MAST1: variants seen among roughly 807,000 people sequenced by gnomAD.
MAST1 encodes microtubule-associated serine/threonine-protein kinase 1.
In MAST1, 40 loss-of-function variants were observed where a neutral mutation model predicts 124.6. The observed-to-expected ratio is 0.32, with a 90% CI of 0.25 to 0.42. The LOEUF (loss-of-function observed/expected upper bound fraction) is 0.42, where lower values mean the gene tolerates loss of function less well. MAST1 is among the 10% of genes least tolerant of loss of function. The pLI is 1.00. For missense variants in MAST1, 1,558 were observed against 2,181.9 expected, an observed-to-expected ratio of 0.71 and a Z score of 5.70; for synonymous variants, 938 against 939.4, an observed-to-expected ratio of 1.00 and a Z score of 0.03.
At position 12,873,426 on chromosome 19, in the gene MAST1, T is replaced by C. The variant is rs148457369; in HGVS notation, c.3366T>C (p.Asp1122=). ...SSLNRSLSSS[D]SLPGSPTHGL... ...TGAACCGCTCGCTGTCATCCAGCGA[T>C]AGTCTCCCGGGCTCGCCTACGCACG... is the stretch of plus-strand genomic sequence containing the variant. Residue 1122 remains aspartate (D), a synonymous_variant, in exon 25 of 26, where the codon GAT becomes GAC. Transcript: ENST00000251472. 4,643 of 1,613,498 alleles carry C rather than the reference T, an allele frequency of 2.9e-3. 9 individuals carry two copies. Among genetic ancestry groups the C allele is most frequent in the Non-Finnish European group, 3.3e-3 (3,859 of 1,179,970 alleles).
rs1291702418 is a variant in MAST1 at position 12,865,305 on chromosome 19, C to A, written c.1639-11C>A. On this transcript the variant is annotated splice_polypyrimidine_tract_variant and intron_variant, in intron 14 of 25. Transcript: ENST00000251472. The surrounding 1 kb of genome is among the most constrained non-coding windows in gnomAD (Gnocchi z 7.1). ...CTCTGGCTGGGGCGTGGGCTGACAG[C>A]CTGCCCCCAGGTGTGTGGGACCCCA... 6.3e-7 allele frequency: 1 copy of A among 1,581,632 alleles called. No homozygotes were observed. Among genetic ancestry groups the A allele is most frequent in the South Asian group, 1.2e-5 (1 of 85,046 alleles).
Position 12,847,994 on chromosome 19 carries a change from C to G in MAST1, c.711C>G (p.Asp237Glu), listed in dbSNP as rs761809281. 5.6e-6 allele frequency: 9 copies of G among 1,614,190 alleles called. No homozygotes were observed. Among genetic ancestry groups the G allele is most frequent in the Non-Finnish European group, 7.6e-6 (9 of 1,180,014 alleles). Residue 237 changes from aspartate to glutamate, a missense_variant, in exon 7 of 26, where the codon GAC (aspartate) becomes GAG (glutamate). By Grantham distance (45) the Asp-to-Glu change is conservative. This residue lies in a region of MAST1 where 165 missense variants were observed against 315.3 expected (regional missense o/e 0.52). Coordinates refer to ENST00000251472, the MANE Select transcript of MAST1 (RefSeq NM_014975.3). The surrounding 1 kb of genome is among the most constrained non-coding windows in gnomAD (Gnocchi z 5.5). ...GGGACTGCCTGACCAAGTCCCGTGA[C>G]GGCCTCATCACCACGGTCTACTTCT... Reference protein sequence around the residue: ...LARDCLTKSRDGLITTVYFYE... With the variant: ...LARDCLTKSREGLITTVYFYE...
intron 7 of MAST1, chr19:12,848,679 C>T (rs371848605): frequency 2.0e-5 from 3 of 152,184 alleles, no homozygotes; most frequent in South Asian, 2.1e-4. Context: ...TAAACTTAGC[C>T]GGGTGCGGTG....
chr19:12,852,043 G>A lies in MAST1; in HGVS notation c.876+8G>A, dbSNP rs555662066. On this transcript the variant is annotated splice_region_variant and intron_variant, in intron 8 of 25. Transcript: ENST00000251472. ...AGGCTGCTGGAGTGCCTGGTGAGGG[G>A]GCTGGGCATGGGTAGGGGTGGGTTG... 4.0e-5 allele frequency: 65 copies of A among 1,614,028 alleles called. No homozygotes were observed. The South Asian group carries it at 7.0e-4, about 17-fold the overall frequency.
chr19:12,862,446 C>T (rs141106485), intron 12 of MAST1, among the ~76,000 whole-genome samples: 12 of 152,288 alleles, frequency 7.9e-5, no homozygotes, highest in African/African-American at 2.9e-4. Context: ...GCAGGCACCA[C>T]CATGTCCAGC....
chr19:12,868,370 A>T (rs560964666), intron 20 of MAST1, among the ~76,000 whole-genome samples: 1 of 152,018 alleles, frequency 6.6e-6, no homozygotes, highest in Admixed American at 6.6e-5. Context: ...TGGCCTACCA[A>T]AGTGCTGGGG....
intron 10 of MAST1, among the ~76,000 whole-genome samples, chr19:12,852,849 AAAAATAAAAT>A (rs561793669): frequency 6.6e-6 from 1 of 151,542 alleles, no homozygotes; most frequent in Middle Eastern, 3.2e-3. Flanking sequence ...AACTGTCTCA[AAAAATAAAAT>A]AAAATAAAAT....
At chr19:12,860,741 G>T (rs997623380) in intron 12 of MAST1, among the ~76,000 whole-genome samples, 1 of 151,846 alleles carries the variant, frequency 6.6e-6, no homozygotes, top group African/African-American at 2.4e-5. Context: ...GCCATAGCTT[G>T]CGGCCCATAT....
chr19:12,840,404 G>A, intron 1 of MAST1, 42 bp from the exon 2 acceptor site: 1 of 1,323,984 alleles, frequency 7.6e-7, no homozygotes. Flanking sequence ...AACTCACTGG[G>A]CTGCGGCCCG....
rs1266241408 is a variant in MAST1, at chr19:12,841,245, C to CG, written c.248+183dup. On this transcript the variant is annotated intron_variant, in intron 3 of 25. Coordinates refer to ENST00000251472, the MANE Select transcript of MAST1 (RefSeq NM_014975.3). This position sits in a 1 kb window ranked among gnomAD's most constrained non-coding sequence, Gnocchi z 4.3. ...CTTCGGGGCGGGGCCTATAAGAAGGCGGGGTCCAATCGCCGATCTGGAACG... is the reference window on the plus strand; with the variant it reads ...CTTCGGGGCGGGGCCTATAAGAAGGCGGGGGTCCAATCGCCGATCTGGAACG... 6.6e-6 allele frequency among the ~76,000 whole-genome samples: 1 copy of CG among 152,234 alleles called. No homozygotes were observed. The highest frequency in any genetic ancestry group is 2.4e-5 in the African/African-American group (1 of 41,464).
Position 12,866,216 on chromosome 19 carries a change from A to T in MAST1, c.2029+114A>T, listed in dbSNP as rs1040089034. 1.2e-5 allele frequency: 8 copies of T among 690,440 alleles called. No individual in the cohort carries two copies. The highest frequency in any genetic ancestry group is 4.1e-5 in the Admixed American group (1 of 24,218). 42.8% of individuals were successfully genotyped at this position (690,440 alleles called of 1,614,324 possible). A position where few individuals can be genotyped will look rare whatever the true frequency, so the allele number is the denominator to read the frequency against. On this transcript the variant is annotated intron_variant, in intron 17 of 25. Transcript: ENST00000251472. The surrounding 1 kb of genome is among the most constrained non-coding windows in gnomAD (Gnocchi z 5.2). ...GGCTAAGTACCAAGATGTGATGCCT[A>T]GGTGCGAAGGTGGTATTTTGGTGGG...
intron 12 of MAST1, among the ~76,000 whole-genome samples, chr19:12,859,269 A>G (rs539721351): frequency 2.0e-5 from 3 of 152,182 alleles, no homozygotes; most frequent in East Asian, 1.9e-4. Flanking sequence ...TAGCAGAGAC[A>G]GGATTTCGCC....
At chr19:12,871,326 G>A (rs540960104) in intron 24 of MAST1, among the ~76,000 whole-genome samples, 154 bp downstream of exon 24, 27 of 152,150 alleles carry the variant, frequency 1.8e-4, no homozygotes, top group East Asian at 1.4e-3. Flanking sequence ...GAGGGGCTGC[G>A]GGCTGGGCGC....
intron 22 of MAST1, among the ~76,000 whole-genome samples, chr19:12,869,604 AT>A (rs1970206190): frequency 6.6e-6 from 1 of 151,868 alleles, no homozygotes; most frequent in African/African-American, 2.4e-5. Flanking sequence ...CGCCCAGCTA[AT>A]TTTTGTATTT....
In MAST1 at chr19:12,866,702, G is replaced by C. The variant is rs1479886904; in HGVS notation, c.2079G>C (p.Thr693=). 1.2e-6 allele frequency: 2 copies of C among 1,613,984 alleles called. No individual in the cohort carries two copies. The highest frequency in any genetic ancestry group is 3.3e-5 in the Admixed American group (2 of 60,006). ...HHVNSYDEDD[T]TEEEPVEIRQ... ...TGAACTCCTATGACGAGGATGACAC[G>C]ACGGAGGAGGAGCCCGTGGAAATCC... The change falls in exon 18 of 26, where the codon ACG becomes ACC. Residue 693 remains threonine, a synonymous_variant. Coordinates refer to ENST00000251472, the MANE Select transcript of MAST1 (RefSeq NM_014975.3). The surrounding 1 kb of genome is among the most constrained non-coding windows in gnomAD (Gnocchi z 5.2).
At chr19:12,862,482 A>G (rs1158198008) in intron 12 of MAST1, among the ~76,000 whole-genome samples, 1 of 152,048 alleles carries the variant, frequency 6.6e-6, no homozygotes, top group Non-Finnish European at 1.5e-5. Context: ...AGAAGATTTG[A>G]TATGATCAGA....
rs755959561 is a variant in MAST1, at chr19:12,847,620, G to T, written c.497G>T (p.Arg166Leu). 6.2e-7 allele frequency: 1 copy of T among 1,614,054 alleles called. No homozygotes were observed. The change falls in exon 6 of 26, where the codon CGC becomes CTC. Residue 166 changes from arginine to leucine, a missense_variant. Arg to Leu is a moderately radical substitution (Grantham distance 102, BLOSUM62 -2). Coordinates refer to ENST00000251472, the MANE Select transcript of MAST1 (RefSeq NM_014975.3). The surrounding 1 kb of genome is among the most constrained non-coding windows in gnomAD (Gnocchi z 5.5). ...RPRSRSLSPG[R>L]SPSSYDNEIV... is the part of the protein sequence containing the mutation. ...GGCTTCTCTCCCCGCAGCCCCGGGC[G>T]CTCCCCCTCCTCCTACGACAACGAG...
chr19:12,847,990 G>A lies in MAST1; in HGVS notation c.707G>A (p.Arg236His), dbSNP rs1340013440. 1.9e-6 allele frequency: 3 copies of A among 1,614,162 alleles called. No homozygotes were observed. Among genetic ancestry groups the A allele is most frequent in the East Asian group, 2.2e-5 (1 of 44,882 alleles). Reference sequence around the variant, plus strand: ...GCCCGGGACTGCCTGACCAAGTCCCGTGACGGCCTCATCACCACGGTCTAC... The same window carrying A: ...GCCCGGGACTGCCTGACCAAGTCCCATGACGGCCTCATCACCACGGTCTAC... ...ELARDCLTKS[R>H]DGLITTVYFY... Residue 236 changes from arginine to histidine, a missense_variant, in exon 7 of 26, where the codon CGT becomes CAT. Arg to His is a conservative substitution (Grantham distance 29). Around this residue, in one of 10 missense-constraint regions of MAST1, gnomAD observed 165 missense variants for 315.3 expected, o/e 0.52. Coordinates refer to ENST00000251472, the MANE Select transcript of MAST1 (RefSeq NM_014975.3). This position sits in a 1 kb window ranked among gnomAD's most constrained non-coding sequence, Gnocchi z 5.5.
chr19:12,866,165 GGTAA>G lies in MAST1; in HGVS notation c.2029+68_2029+71del. 1.2e-6 allele frequency: 2 copies of G among 1,601,582 alleles called. No homozygotes were observed. The highest frequency in any genetic ancestry group is 1.7e-6 in the Non-Finnish European group (2 of 1,175,336). On this transcript the variant is annotated intron_variant, in intron 17 of 25. Transcript: ENST00000251472. This position sits in a 1 kb window ranked among gnomAD's most constrained non-coding sequence, Gnocchi z 5.2. ...TGGGATCCGGGAAGAGGGACCCTGGGGTAAGTAAAGCCTGGGATAGGGCCTGGCT... is the reference window on the plus strand; with the variant it reads ...TGGGATCCGGGAAGAGGGACCCTGGGGTAAAGCCTGGGATAGGGCCTGGCT...
Sources: allele counts gnomAD v4.1 joint callset (sites outside exome capture counted in the v4.1 genomes callset), GRCh38; gene constraint gnomAD v4.1.1; regional missense constraint gnomAD v4.1.1; non-coding constraint Gnocchi (gnomAD v3.1); transcripts MANE v1.5; gene names NCBI Gene and HGNC (gene_info 2026-07-23, HGNC 2026-07-21).